The following NBEA variants were observed in gnomAD, a reference collection of about 807,000 sequenced individuals.
NBEA encodes the protein neurobeachin, also known as lysosomal-trafficking regulator 2.
NBEA carries 44 observed loss-of-function variants against 343.4 expected under a neutral mutation model. That is an observed-to-expected ratio of 0.13 (90% CI 0.10 to 0.16). The LOEUF is 0.16. Ranked by LOEUF, NBEA falls within the 10% of genes least tolerant of loss-of-function variation. NBEA has a pLI of 1.00. For missense variants in NBEA, 2,555 were observed against 3,631.3 expected, an observed-to-expected ratio of 0.70 and a Z score of 7.62; for synonymous variants, 1,175 against 1,238.7, an observed-to-expected ratio of 0.95 and a Z score of 1.08.
intron 41 of NBEA, among the ~76,000 whole-genome samples, chr13:35,509,868 G>A (rs2077210252): frequency 1.3e-5 from 2 of 152,108 alleles, no homozygotes; most frequent in South Asian, 4.1e-4. Flanking sequence ...TATGAAAAGG[G>A]TTGTTTCAGC....
chr13:35,436,419 C>G (rs1265600411), intron 39 of NBEA, among the ~76,000 whole-genome samples: 1 of 152,112 alleles, frequency 6.6e-6, no homozygotes, highest in African/African-American at 2.4e-5. Flanking sequence ...TTGTTAAATT[C>G]TACTGTGAAG....
chr13:35,280,113 G>T (rs1221319605), intron 34 of NBEA, among the ~76,000 whole-genome samples: 1 of 152,052 alleles, frequency 6.6e-6, no homozygotes, highest in South Asian at 2.1e-4. Context: ...CACCTGAAAG[G>T]TTGTTCTCTC....
rs2069229842 is a variant in NBEA at position 35,157,178 on chromosome 13, A to G, written c.2752A>G (p.Asn918Asp). The G allele has an allele frequency of 6.2e-7, 1 of 1,610,808 alleles. No individual in the cohort carries two copies. The highest frequency in any genetic ancestry group is 8.5e-7 in the Non-Finnish European group (1 of 1,178,206). The change falls in exon 21 of 59, where the codon AAT (asparagine) becomes GAT (aspartate). Residue 918 changes from asparagine (N) to aspartate (D), a missense_variant. Asn to Asp is a conservative substitution (Grantham distance 23). Around this residue, in one of 21 missense-constraint regions of NBEA, gnomAD observed 360 missense variants for 519.1 expected, o/e 0.69. Transcript: ENST00000379939. ...ACAGAAGATTACCGAAATGGTCTAC[A>G]ATATCTTCCGGATTCTTTTGTATCA... is the stretch of plus-strand genomic sequence containing the variant. ...EEQKITEMVY[N>D]IFRILLYHAI...
chr13:35,188,098 C>T (rs925114174), intron 30 of NBEA, among the ~76,000 whole-genome samples: 2 of 151,832 alleles, frequency 1.3e-5, no homozygotes, highest in Non-Finnish European at 2.9e-5. Flanking sequence ...TTTGTTTAAT[C>T]GTTTATTAGA....
At chr13:35,167,357 T>C (rs1371419078) in intron 24 of NBEA, among the ~76,000 whole-genome samples, 1 of 152,026 alleles carries the variant, frequency 6.6e-6, no homozygotes, top group Non-Finnish European at 1.5e-5. Context: ...TTTGTATTGC[T>C]GTTATAGTAT....
chr13:35,058,999 A>T, intron 8 of NBEA, 136 bp downstream of exon 8: 1 of 698,156 alleles, frequency 1.4e-6, no homozygotes, highest in South Asian at 3.8e-5. Context: ...AAGTTTTATT[A>T]TATGTTTCTT....
intron 48 of NBEA, among the ~76,000 whole-genome samples, chr13:35,624,646 A>T (rs2083141534): frequency 6.6e-6 from 1 of 152,108 alleles, no homozygotes; most frequent in South Asian, 2.1e-4. Flanking sequence ...GATATGTAAG[A>T]AATAAGATAA....
intron 26 of NBEA, among the ~76,000 whole-genome samples, chr13:35,171,799 C>T (rs2070481962): frequency 2.0e-5 from 3 of 151,966 alleles, no homozygotes; most frequent in Non-Finnish European, 2.9e-5. Flanking sequence ...TAAACCAATA[C>T]TGAGGGTAGT....
At chr13:35,435,408 T>C (rs142993872) in intron 39 of NBEA, among the ~76,000 whole-genome samples, 433 of 152,056 alleles carry the variant, frequency 2.8e-3, no homozygotes, top group Non-Finnish European at 5.1e-3. Flanking sequence ...ACTTCCAGAG[T>C]TGGAGGGTTG....
In NBEA at chr13:35,551,607, T is replaced by C. The variant is rs1371904983; in HGVS notation, c.6806+575T>C. Among the ~76,000 whole-genome samples the C allele has an allele frequency of 3.9e-5, 6 of 152,174 alleles. No individual in the cohort carries two copies. In the South Asian group the frequency reaches 1.2e-3, roughly 32 times the overall value. On this transcript the variant is annotated intron_variant, in intron 43 of 58. Transcript: ENST00000379939. ...AGTTACTTATATTGCTGATATCAGT[T>C]TGTCGTTTTTGGCTCGAAATAACTG... is the stretch of plus-strand genomic sequence containing the variant.
intron 8 of NBEA, among the ~76,000 whole-genome samples, chr13:35,067,962 T>G (rs1200640733): frequency 6.6e-6 from 1 of 151,950 alleles, no homozygotes; most frequent in Non-Finnish European, 1.5e-5. Context: ...GATCTCAAAC[T>G]CCGGGCCTCA....
At chr13:35,169,466 CA>C (rs1027871911) in intron 25 of NBEA, among the ~76,000 whole-genome samples, 183 of 150,994 alleles carry the variant, frequency 1.2e-3, no homozygotes, top group African/African-American at 4.4e-3. Flanking sequence ...TTTTTTCAGT[CA>C]AAAAAACACT....
At chr13:35,204,358 G>A (rs574608823) in intron 31 of NBEA, among the ~76,000 whole-genome samples, 1 of 152,244 alleles carries the variant, frequency 6.6e-6, no homozygotes, top group Non-Finnish European at 1.5e-5. Flanking sequence ...TGGCTGGGGA[G>A]GCCTCAGAAT....
At chr13:35,367,872 A>C in intron 38 of NBEA, among the ~76,000 whole-genome samples, 1 of 151,550 alleles carries the variant, frequency 6.6e-6, no homozygotes, top group Admixed American at 6.6e-5. Context: ...TGACACTTTA[A>C]TACACATTAC....
intron 51 of NBEA, among the ~76,000 whole-genome samples, chr13:35,648,793 C>G (rs9530826): frequency 0.13 from 19,578 of 149,292 alleles, 1,383 homozygotes; most frequent in South Asian, 0.19. Context: ...ACAAAACAGA[C>G]GCTAAAAACA....
At chr13:35,395,592 T>C (rs1171349969) in intron 38 of NBEA, among the ~76,000 whole-genome samples, 1 of 152,140 alleles carries the variant, frequency 6.6e-6, no homozygotes, top group East Asian at 1.9e-4. Context: ...ACATACCATG[T>C]TCACTGGAAA....
At chr13:35,389,502 C>CA (rs967412661) in intron 38 of NBEA, among the ~76,000 whole-genome samples, 3 of 151,474 alleles carry the variant, frequency 2.0e-5, no homozygotes, top group South Asian at 2.1e-4. Flanking sequence ...ATTCTGAAAC[C>CA]AAAAAAATGC....
chr13:35,175,365 CCT>C (rs771971429), intron 27 of NBEA, among the ~76,000 whole-genome samples: 1 of 151,940 alleles, frequency 6.6e-6, no homozygotes, highest in East Asian at 1.9e-4. Context: ...GATTTGTTCC[CCT>C]GTCTAGCAGT....
chr13:35,386,780 T>G (rs1262751004), intron 38 of NBEA, among the ~76,000 whole-genome samples: 1 of 152,138 alleles, frequency 6.6e-6, no homozygotes, highest in African/African-American at 2.4e-5. Flanking sequence ...TATTGAGTTT[T>G]TTATGGTTGT....
Sources: gnomAD v4.1 joint callset for allele counts (sites outside exome capture counted in the v4.1 genomes callset) on GRCh38, gnomAD v4.1.1 for gene constraint, gnomAD v4.1.1 regional missense constraint, MANE v1.5 for transcripts, NCBI Gene and HGNC (gene_info 2026-07-23, HGNC 2026-07-21) for gene names.